Variants in PTPRN2 observed in about 807,000 individuals in gnomAD.
PTPRN2 encodes receptor-type tyrosine-protein phosphatase N2.
PTPRN2 carries 74 observed loss-of-function variants against 118.8 expected under a neutral mutation model. The ratio of observed to expected loss-of-function variants is 0.62; its 90% CI spans 0.52 to 0.76. The LOEUF (loss-of-function observed/expected upper bound fraction) is 0.76. Ranked by LOEUF, PTPRN2 falls within the 30% of genes least tolerant of loss-of-function variation. The probability of loss-of-function intolerance (pLI) is 0.00; values close to 1 mark genes in which losing one functional copy is unlikely to be tolerated. For synonymous variants in PTPRN2, 641 were observed against 608.0 expected (o/e 1.05, Z -0.80); for missense variants, 1,481 against 1,394.4 (o/e 1.06, Z -0.99).
intron 12 of PTPRN2, among the ~76,000 whole-genome samples, chr7:157,820,565 C>G (rs1806769800): frequency 6.6e-6 from 1 of 151,456 alleles, no homozygotes; most frequent in Admixed American, 6.6e-5. Context: ...CGCACACACA[C>G]TCATACATGC....
Position 158,529,822 on chromosome 7 carries a change from A to G in PTPRN2, c.113-40037T>C, listed in dbSNP as rs982959690. Among the ~76,000 whole-genome samples the G allele has an allele frequency of 6.6e-6, 1 of 152,120 alleles. No individual in the cohort carries two copies. The highest frequency in any genetic ancestry group is 1.5e-5 in the Non-Finnish European group (1 of 68,024). On this transcript the variant is annotated intron_variant, in intron 1 of 22. Transcript: ENST00000389418. The surrounding 1 kb of genome is among the most constrained non-coding windows in gnomAD (Gnocchi z 4.7). ...CATGAGTTCTCAGCATCTCCTCTAC[A>G]CACATGGACAAACACCACACACACG...
chr7:157,736,494 G>A (rs1364554058), intron 12 of PTPRN2, among the ~76,000 whole-genome samples: 1 of 152,218 alleles, frequency 6.6e-6, no homozygotes, highest in Non-Finnish European at 1.5e-5. Flanking sequence ...AGGACATGGG[G>A]AGAAGATGCT....
chr7:157,705,442 C>CT (rs1798276945), intron 12 of PTPRN2, among the ~76,000 whole-genome samples: 1 of 152,348 alleles, frequency 6.6e-6, no homozygotes, highest in African/African-American at 2.4e-5. Flanking sequence ...ACGCCAGAGC[C>CT]TTCTGGATCA....
chr7:157,751,041 C>T (rs1442888620), intron 12 of PTPRN2, among the ~76,000 whole-genome samples: 1 of 152,238 alleles, frequency 6.6e-6, no homozygotes, highest in Non-Finnish European at 1.5e-5. Flanking sequence ...AGTGAGCGTC[C>T]TGCCCAACTC....
intron 2 of PTPRN2, among the ~76,000 whole-genome samples, chr7:158,412,932 CGCCCTCCTCAGCACCAGG>C: frequency 7.1e-6 from 1 of 141,404 alleles, no homozygotes. Context: ...GCCCATCCAG[CGCCCTCCTCAGCACCAGG>C]GCCCATCTCA....
intron 12 of PTPRN2, among the ~76,000 whole-genome samples, chr7:157,711,865 G>A (rs866814298): frequency 2.0e-5 from 3 of 149,622 alleles, no homozygotes; most frequent in African/African-American, 7.4e-5. Flanking sequence ...TAAATCCTTC[G>A]TGGGCCACAA....
At chr7:158,142,686 C>A (rs75482412) in intron 6 of PTPRN2, among the ~76,000 whole-genome samples, 1 of 152,188 alleles carries the variant, frequency 6.6e-6, no homozygotes, top group African/African-American at 2.4e-5. Flanking sequence ...TGGAATGCTA[C>A]CTTCAAAGAA....
chr7:158,049,231 T>A (rs998598318), intron 11 of PTPRN2, among the ~76,000 whole-genome samples: 1 of 13,082 alleles, frequency 7.6e-5, no homozygotes, highest in African/African-American at 3.0e-4. Context: ...GTCATCAGCA[T>A]CTCCATCTGA....
intron 11 of PTPRN2, among the ~76,000 whole-genome samples, chr7:158,013,123 A>G (rs1806164077): frequency 6.6e-6 from 1 of 152,176 alleles, no homozygotes; most frequent in African/African-American, 2.4e-5. Flanking sequence ...AATCAACCAT[A>G]AAGGAGAAAA....
intron 12 of PTPRN2, among the ~76,000 whole-genome samples, chr7:157,775,990 C>CCG (rs1298711688): frequency 6.6e-6 from 1 of 152,042 alleles, no homozygotes; most frequent in East Asian, 1.9e-4. Flanking sequence ...GGGGGGATAG[C>CCG]CGCAGCCAGC....
At chr7:157,753,944 C>T (rs1159658207) in intron 12 of PTPRN2, among the ~76,000 whole-genome samples, 2 of 152,252 alleles carry the variant, frequency 1.3e-5, no homozygotes, top group African/African-American at 2.4e-5. Flanking sequence ...GGCCCAGCAT[C>T]TTGCTCCCTC....
chr7:158,366,058 C>T (rs934713002), intron 2 of PTPRN2, among the ~76,000 whole-genome samples: 2 of 143,540 alleles, frequency 1.4e-5, no homozygotes, highest in Non-Finnish European at 3.0e-5. Flanking sequence ...AAGCTGCAGC[C>T]CAATGCACGC....
At chr7:158,149,143 T>C (rs200704475) in intron 6 of PTPRN2, among the ~76,000 whole-genome samples, 4,082 of 75,564 alleles carry the variant, frequency 0.054, no homozygotes, top group Non-Finnish European at 0.064. Context: ...TCACGCCACG[T>C]GTCTTTCCCC....
intron 12 of PTPRN2, among the ~76,000 whole-genome samples, chr7:157,700,234 GAAAC>G (rs1373949236): frequency 6.6e-6 from 1 of 152,130 alleles, no homozygotes; most frequent in Non-Finnish European, 1.5e-5. Context: ...TATTAAAAAA[GAAAC>G]AAATCTGAAA....
intron 12 of PTPRN2, among the ~76,000 whole-genome samples, chr7:157,877,366 C>CT (rs1230157555): frequency 1.3e-5 from 2 of 149,676 alleles, no homozygotes; most frequent in African/African-American, 4.9e-5. Flanking sequence ...GAGTGCCACA[C>CT]TAGAGTTTTC....
chr7:158,121,594 T>C (rs1259244393), intron 9 of PTPRN2, among the ~76,000 whole-genome samples: 1 of 152,144 alleles, frequency 6.6e-6, no homozygotes, highest in Admixed American at 6.5e-5. Flanking sequence ...TATGAGGACA[T>C]GGGAGGGGCT....
intron 3 of PTPRN2, among the ~76,000 whole-genome samples, chr7:158,231,067 G>A (rs1190982752): frequency 6.6e-6 from 1 of 152,110 alleles, no homozygotes; most frequent in Non-Finnish European, 1.5e-5. Context: ...GGGAGTTCAA[G>A]GCCAGCCTGG....
rs143636087 is a variant in PTPRN2 at position 157,584,480 on chromosome 7, G to A, written c.2497-6340C>T. On this transcript the variant is annotated intron_variant, in intron 17 of 22. Transcript: ENST00000389418. ...GTTATCAAAGGCTTGCATGGCAGAA[G>A]TCCTCCAGGACTTGCTTAAATGTAC... Among the ~76,000 whole-genome samples the A allele has an allele frequency of 2.7e-3, 413 of 152,358 alleles. 3 individuals carry two copies. The highest frequency in any genetic ancestry group is 9.4e-3 in the African/African-American group (392 of 41,586).
chr7:157,989,377 C>T (rs1290846293), intron 11 of PTPRN2, among the ~76,000 whole-genome samples: 1 of 152,114 alleles, frequency 6.6e-6, no homozygotes, highest in African/African-American at 2.4e-5. Context: ...CGAGATTGCA[C>T]TACTGCACTC....
Sources: gnomAD v4.1 joint callset for allele counts (sites outside exome capture counted in the v4.1 genomes callset) on GRCh38, gnomAD v4.1.1 for gene constraint, Gnocchi (gnomAD v3.1) non-coding constraint, MANE v1.5 for transcripts, NCBI Gene and HGNC (gene_info 2026-07-23, HGNC 2026-07-21) for gene names.